Variants in CFAP97 observed in about 807,000 individuals in gnomAD.
CFAP97 encodes cilia- and flagella-associated protein 97.
CFAP97 carries 36 observed loss-of-function variants against 43.1 expected under a neutral mutation model. The ratio of observed to expected loss-of-function variants is 0.84; its 90% CI spans 0.64 to 1.10. The LOEUF (loss-of-function observed/expected upper bound fraction) is 1.10. Among genes scored for constraint, CFAP97 ranks in the 50% least tolerant of loss-of-function variants. The pLI, the probability that CFAP97 is intolerant of heterozygous loss-of-function variation, is 0.00. For missense variants in CFAP97, 657 were observed against 620.3 expected (o/e 1.06, Z -0.63); for synonymous variants, 228 against 225.7 (o/e 1.01, Z -0.09).
chr4:185,196,505 G>A (rs1736553542), intron 1 of CFAP97, among the ~76,000 whole-genome samples: 1 of 151,664 alleles, frequency 6.6e-6, no homozygotes, highest in Non-Finnish European at 1.5e-5. Context: ...TATTATAAGA[G>A]TAAGTTTCAT....
Position 185,190,806 on chromosome 4 carries a change from A to C in CFAP97, c.391T>G (p.Tyr131Asp). 1 of 1,605,580 alleles carries C rather than the reference A, an allele frequency of 6.2e-7. No homozygotes were observed. The highest frequency in any genetic ancestry group is 8.5e-7 in the Non-Finnish European group (1 of 1,174,394). The change falls in exon 2 of 5, where the codon TAC (tyrosine) becomes GAC (aspartate). Residue 131 changes from tyrosine (Y) to aspartate (D), a missense_variant. Transcript: ENST00000458385. ...CTGCTTTCCTCTCCATCTGTGTAGT[A>C]ATCATCTTCACCTTCTTTTACAATT... ...PKIVKEGEDD[Y>D]YTDGEESSDD...
In CFAP97 at chr4:185,188,634, G is replaced by A. The variant is rs919320817; in HGVS notation, c.1054+1509C>T. Among the ~76,000 whole-genome samples, 4 of 152,234 alleles carry A rather than the reference G, an allele frequency of 2.6e-5. No individual in the cohort carries two copies. In the South Asian group the frequency reaches 6.2e-4, roughly 24 times the overall value. On this transcript the variant is annotated intron_variant, in intron 2 of 4. Coordinates refer to ENST00000458385, the MANE Select transcript of CFAP97 (RefSeq NM_020827.3). ...GCTAGGATTACAGGTGTGAGCCACT[G>A]CTCCTGGCCAGGTATTATTTTAATA... is the stretch of plus-strand genomic sequence containing the variant.
chr4:185,163,454 T>C (rs1310691069), intron 4 of CFAP97, among the ~76,000 whole-genome samples: 1 of 152,082 alleles, frequency 6.6e-6, no homozygotes, highest in Non-Finnish European at 1.5e-5. Context: ...CAGAGACTTC[T>C]GTAAAGGACA....
In CFAP97 at chr4:185,160,095, CA is replaced by C. The variant is rs59628395; in HGVS notation, c.*2702del. 0.46 allele frequency: 69,848 copies of C among 151,884 alleles called. 16,075 individuals are homozygous for C. The highest frequency in any genetic ancestry group is 0.57 in the Middle Eastern group (166 of 292). The allele number at this position is 151,884 out of a possible 1,614,324, so 9.4% of individuals were successfully genotyped here. A position where few individuals can be genotyped will look rare whatever the true frequency, so the allele number is the denominator to read the frequency against. On this transcript the variant is annotated 3_prime_UTR_variant, in exon 5 of 5. Coordinates refer to ENST00000458385, the MANE Select transcript of CFAP97 (RefSeq NM_020827.3). ...GAGAGAAAACAACTGCATTACACTA[CA>C]TTTTTAAGCAAACCAAAGAACTTTA...
intron 1 of CFAP97, among the ~76,000 whole-genome samples, chr4:185,193,418 G>A (rs976717689): frequency 2.6e-5 from 4 of 152,136 alleles, no homozygotes; most frequent in Admixed American, 1.3e-4. Context: ...AGGCAAAGGC[G>A]GGTGGATCAC....
intron 2 of CFAP97, among the ~76,000 whole-genome samples, chr4:185,189,464 A>G (rs1736136979): frequency 6.6e-6 from 1 of 152,224 alleles, no homozygotes; most frequent in Non-Finnish European, 1.5e-5. Context: ...CAGTATTATT[A>G]GTTCTATTAA....
At chr4:185,181,088 A>G (rs1401731479) in intron 2 of CFAP97, among the ~76,000 whole-genome samples, 1 of 151,892 alleles carries the variant, frequency 6.6e-6, no homozygotes, top group African/African-American at 2.4e-5. Context: ...GTCTCTGCAG[A>G]CTTTTGTCTG....
chr4:185,190,088 T>G lies in CFAP97; in HGVS notation c.1054+55A>C, dbSNP rs539355643. The G allele has an allele frequency of 5.1e-4, 679 of 1,342,780 alleles. 4 individuals carry two copies. In the African/African-American group the frequency reaches 8.9e-3, roughly 18 times the overall value. The allele number at this position is 1,342,780 out of a possible 1,614,324, so 83.2% of individuals were successfully genotyped here. On this transcript the variant is annotated intron_variant, in intron 2 of 4. Transcript: ENST00000458385. The stretch of plus-strand genomic sequence containing the variant: ...AATGCAAATTCATAGCATTTAATAT[T>G]TATGCCCAATATATAATATTTAAAC...
chr4:185,186,498 A>G (rs555713223), intron 2 of CFAP97, among the ~76,000 whole-genome samples: 1 of 152,320 alleles, frequency 6.6e-6, no homozygotes, highest in Non-Finnish European at 1.5e-5. Context: ...AGTAACTGAA[A>G]AGGTTATTAA....
At chr4:185,179,008 T>A (rs960566330) in intron 2 of CFAP97, among the ~76,000 whole-genome samples, 2 of 151,910 alleles carry the variant, frequency 1.3e-5, no homozygotes, top group African/African-American at 4.8e-5. Context: ...AAAAAAATCA[T>A]AAAAAGAACT....
chr4:185,191,429 T>C (rs887508499), intron 1 of CFAP97, among the ~76,000 whole-genome samples: 4 of 152,208 alleles, frequency 2.6e-5, no homozygotes, highest in African/African-American at 7.2e-5. Flanking sequence ...AAAAGTCCCA[T>C]AGTTAAGTTC....
chr4:185,199,321 C>A (rs3112880), intron 1 of CFAP97, among the ~76,000 whole-genome samples: 68,987 of 151,458 alleles, frequency 0.46, 16,313 homozygotes, highest in East Asian at 0.57. Flanking sequence ...CAGTGAGCCG[C>A]GATCCGGCCA....
intron 1 of CFAP97, among the ~76,000 whole-genome samples, chr4:185,199,144 G>A (rs1345604993): frequency 6.6e-6 from 1 of 151,800 alleles, no homozygotes; most frequent in East Asian, 1.9e-4. Flanking sequence ...AGGCTGAGAC[G>A]GGCGGATCAC....
At chr4:185,185,631 AC>A (rs1735976160) in intron 2 of CFAP97, among the ~76,000 whole-genome samples, 1 of 126,134 alleles carries the variant, frequency 7.9e-6, no homozygotes, top group Non-Finnish European at 1.7e-5. Context: ...AAATTTGCCA[AC>A]CTTTTTTTTT....
At chr4:185,191,355 T>A in intron 1 of CFAP97, 143 bp from the exon 2 acceptor site, 2 of 605,798 alleles carry the variant, frequency 3.3e-6, no homozygotes. Flanking sequence ...ACAAAAAAGG[T>A]AACTCAGTGA....
chr4:185,174,262 C>T (rs879677345), intron 3 of CFAP97, among the ~76,000 whole-genome samples: 9 of 152,102 alleles, frequency 5.9e-5, no homozygotes, highest in East Asian at 1.9e-4. Flanking sequence ...TTTTGACATA[C>T]GGGAATTTCA....
chr4:185,165,235 T>C (rs939831769), intron 3 of CFAP97, among the ~76,000 whole-genome samples: 11 of 152,190 alleles, frequency 7.2e-5, no homozygotes, highest in African/African-American at 2.2e-4. Context: ...GATGACCTGC[T>C]TGAGTTCAGG....
intron 1 of CFAP97, among the ~76,000 whole-genome samples, chr4:185,202,042 C>G (rs1228298078): frequency 2.2e-5 from 1 of 45,760 alleles, no homozygotes; most frequent in East Asian, 1.1e-3. Context: ...TGTTTTTCCC[C>G]CCATCCCCTA....
At chr4:185,208,096 C>T (rs3108239), upstream of CFAP97, among the ~76,000 whole-genome samples, 89,854 of 151,914 alleles carry the variant, frequency 0.59, 26,968 homozygotes, top group Non-Finnish European at 0.66. Context: ...CAAAATTAAT[C>T]ATACTGCTTT....
Sources: allele counts gnomAD v4.1 joint callset (sites outside exome capture counted in the v4.1 genomes callset), GRCh38; gene constraint gnomAD v4.1.1; transcripts MANE v1.5; gene names NCBI Gene and HGNC (gene_info 2026-07-23, HGNC 2026-07-21).